Variants in ZNF577 observed in about 807,000 individuals in gnomAD.
The protein encoded by ZNF577 is zinc finger protein 577.
A neutral mutation model predicts 13.9 loss-of-function variants in ZNF577; 14 were observed. That is an observed-to-expected ratio of 1.00 (90% confidence interval 0.66 to 1.57). ZNF577 has a LOEUF of 1.57. Among genes scored for constraint, ZNF577 ranks in the 40% most tolerant of loss-of-function variants. ZNF577 has a pLI of 0.00. For synonymous variants in ZNF577, 203 were observed against 202.9 expected, an observed-to-expected ratio of 1.00 and a Z score of 0.00; for missense variants, 555 against 579.2, an observed-to-expected ratio of 0.96 and a Z score of 0.43.
chr19:51,822,243 T>G (rs1478167396), intron 9 of ZNF577, among the ~76,000 whole-genome samples: 4 of 152,202 alleles, frequency 2.6e-5, no homozygotes, highest in Non-Finnish European at 2.9e-5. Context: ...TCCCATAGTG[T>G]TATTGCCCAG....
intron 9 of ZNF577, among the ~76,000 whole-genome samples, chr19:51,821,640 G>C (rs1379171135): frequency 1.3e-5 from 2 of 152,048 alleles, no homozygotes; most frequent in Non-Finnish European, 2.9e-5. Flanking sequence ...ATGATACTAG[G>C]GTATGACCAC....
chr19:51,844,516 T>C (rs1482970261), intron 6 of ZNF577, among the ~76,000 whole-genome samples: 1 of 152,222 alleles, frequency 6.6e-6, no homozygotes, highest in East Asian at 1.9e-4. Context: ...ACAAAAATGT[T>C]TGCAACTTAA....
chr19:51,882,479 T>C (rs992976085), intron 1 of ZNF577, among the ~76,000 whole-genome samples: 1 of 128,258 alleles, frequency 7.8e-6, no homozygotes, highest in Admixed American at 7.7e-5. Context: ...CAGTATCCAA[T>C]AAAAAAAAAA....
intron 9 of ZNF577, among the ~76,000 whole-genome samples, chr19:51,835,839 C>T (rs770370968): frequency 8.5e-5 from 13 of 152,102 alleles, no homozygotes; most frequent in Non-Finnish European, 1.5e-4. Flanking sequence ...ATCACAGATG[C>T]CTGCCACCAC....
At chr19:51,882,991 A>C (rs2084885752) in intron 1 of ZNF577, among the ~76,000 whole-genome samples, 1 of 147,418 alleles carries the variant, frequency 6.8e-6, no homozygotes, top group Non-Finnish European at 1.5e-5. Flanking sequence ...TTTTTAAAAA[A>C]AATTTTTTTT....
chr19:51,851,325 C>T (rs1477001375), intron 5 of ZNF577, among the ~76,000 whole-genome samples: 1 of 152,112 alleles, frequency 6.6e-6, no homozygotes, highest in Admixed American at 6.5e-5. Flanking sequence ...TGCCAAAGTT[C>T]ACACAGCCAA....
chr19:51,807,627 A>G (rs2084069074), intron 10 of ZNF577, among the ~76,000 whole-genome samples: 1 of 152,224 alleles, frequency 6.6e-6, no homozygotes, highest in East Asian at 1.9e-4. Context: ...TGGAAGAGCC[A>G]TCAGTAAAAT....
At chr19:51,817,951 T>A (rs2084152928) in intron 9 of ZNF577, 1 of 152,062 alleles carries the variant, frequency 6.6e-6, no homozygotes, top group African/African-American at 2.4e-5. Flanking sequence ...CAAATACAGC[T>A]TTTTTGTTTT....
At position 51,824,557 on chromosome 19, in the gene ZNF577, AGAT is replaced by A; in HGVS notation, c.*600-12886_*600-12884del. On this transcript the variant is annotated intron_variant and NMD_transcript_variant, in intron 9 of 10. Transcript: ENST00000638827. The surrounding 1 kb of genome is among the most constrained non-coding windows in gnomAD (Gnocchi z 4.7). Reference sequence around the variant, plus strand: ...ATTCTAATGGCAGTCTGGCTCAAAGAGATGTTGTTAAATGGCAAATACAAAATC... The same window carrying A: ...ATTCTAATGGCAGTCTGGCTCAAAGAGTTGTTAAATGGCAAATACAAAATC... 6.2e-7 allele frequency: 1 copy of A among 1,614,166 alleles called. No individual in the cohort carries two copies. The highest frequency in any genetic ancestry group is 1.3e-5 in the African/African-American group (1 of 75,054).
At chr19:51,810,561 T>C (rs932781260) in intron 10 of ZNF577, among the ~76,000 whole-genome samples, 1 of 152,212 alleles carries the variant, frequency 6.6e-6, no homozygotes, top group African/African-American at 2.4e-5. Flanking sequence ...TAAGGGCCAT[T>C]ACCTAATAGC....
At chr19:51,831,834 C>A (rs1005610978) in intron 9 of ZNF577, among the ~76,000 whole-genome samples, 1 of 152,168 alleles carries the variant, frequency 6.6e-6, no homozygotes, top group Non-Finnish European at 1.5e-5. Context: ...ATTTCTCAAA[C>A]ATACCAAATC....
chr19:51,880,374 ATTT>A lies in ZNF577; in HGVS notation c.6_8del (p.Lys2del). ...TCCTCACAGACATTACAATCGTGGC[ATTT>A]TTCATGTGTTTCCTGTTATTTCAGC... On this transcript the variant is annotated inframe_deletion, in exon 3 of 6. Transcript: ENST00000638348. The A allele has an allele frequency of 6.2e-7, 1 of 1,614,062 alleles. No individual in the cohort carries two copies. Among genetic ancestry groups the A allele is most frequent in the Non-Finnish European group, 8.5e-7 (1 of 1,180,008 alleles).
At position 51,824,299 on chromosome 19, in the gene ZNF577, G is replaced by A. The variant is rs1448382821; in HGVS notation, c.*600-12625C>T. 3 of 1,614,124 alleles carry A rather than the reference G, an allele frequency of 1.9e-6. No individual in the cohort carries two copies. The South Asian group carries it at 3.3e-5, about 18-fold the overall frequency. On this transcript the variant is annotated intron_variant and NMD_transcript_variant, in intron 9 of 10. Transcript: ENST00000638827. The surrounding 1 kb of genome is among the most constrained non-coding windows in gnomAD (Gnocchi z 4.7). ...TGTATTTTCAACTTTGCATTCTGGG[G>A]TGACACTGCTGTAGAGAGGTTGAAC...
At chr19:51,827,130 G>A (rs1206796526) in intron 9 of ZNF577, among the ~76,000 whole-genome samples, 3 of 152,042 alleles carry the variant, frequency 2.0e-5, no homozygotes, top group Non-Finnish European at 4.4e-5. Flanking sequence ...CCTAATCTTA[G>A]GGCCTTTCAT....
At chr19:51,885,049 G>A (rs921521834) in intron 1 of ZNF577, among the ~76,000 whole-genome samples, 3 of 152,120 alleles carry the variant, frequency 2.0e-5, no homozygotes, top group African/African-American at 4.8e-5. Context: ...CCAACCATAC[G>A]GTGACTTTTT....
downstream of ZNF577, chr19:51,862,169 G>A: frequency 6.6e-6 from 1 of 152,360 alleles, no homozygotes; most frequent in East Asian, 1.9e-4. Flanking sequence ...TGAGTTCTCT[G>A]ATATACAATG....
At chr19:51,807,649 C>T (rs1349433984) in intron 10 of ZNF577, among the ~76,000 whole-genome samples, 1 of 152,112 alleles carries the variant, frequency 6.6e-6, no homozygotes, top group African/African-American at 2.4e-5. Context: ...AGTCTGTCCA[C>T]CTGGAATAGG....
intron 9 of ZNF577, among the ~76,000 whole-genome samples, chr19:51,822,394 A>C (rs2084196869): frequency 6.6e-6 from 1 of 152,226 alleles, no homozygotes; most frequent in South Asian, 2.1e-4. Context: ...ACTGAACAAA[A>C]TTGCGATTTG....
At chr19:51,879,549 G>A (rs116334231) in intron 3 of ZNF577, among the ~76,000 whole-genome samples, 9,680 of 152,206 alleles carry the variant, frequency 0.064, 557 homozygotes, top group South Asian at 0.25. Context: ...AGCTCTGGGC[G>A]ACACAGCAAG....
Sources: allele counts gnomAD v4.1 joint callset (sites outside exome capture counted in the v4.1 genomes callset), GRCh38; gene constraint gnomAD v4.1.1; non-coding constraint Gnocchi (gnomAD v3.1); transcripts MANE v1.5; gene names NCBI Gene and HGNC (gene_info 2026-07-23, HGNC 2026-07-21).